The following SORCS2 variants were observed in gnomAD, a reference collection of about 807,000 sequenced individuals.
The protein encoded by SORCS2 is sortilin related VPS10 domain containing receptor 2.
SORCS2 carries 100 observed loss-of-function variants against 141.6 expected under a neutral mutation model. The observed-to-expected ratio is 0.71, with a 90% CI of 0.60 to 0.83. SORCS2 has a LOEUF of 0.83. Among genes scored for constraint, SORCS2 ranks in the 40% least tolerant of loss-of-function variants. The pLI, the probability that SORCS2 is intolerant of heterozygous loss-of-function variation, is 0.00. For synonymous variants in SORCS2, 789 were observed against 676.9 expected (o/e 1.17, Z -2.57); for missense variants, 1,646 against 1,560.2 (o/e 1.05, Z -0.93).
At chr4:7,703,166 C>T (rs1725189867) in intron 12 of SORCS2, 114 bp from the exon 13 acceptor site, 6 of 817,146 alleles carry the variant, frequency 7.3e-6, no homozygotes, top group Non-Finnish European at 1.1e-5. Context: ...GCCTTGGCCT[C>T]TGCCAACAAC....
Position 7,723,717 on chromosome 4 carries a change from G to A in SORCS2, c.2445G>A (p.Lys815=), listed in dbSNP as rs751152196. The change falls in exon 19 of 27, where the codon AAG becomes AAA. Residue 815 remains lysine (K), a synonymous_variant. Transcript: ENST00000507866. ...TGCAGGGTGATGTCCTGACTACCAAGTACCAGGTAGACCTTGGGGACGGCT... is the reference window on the plus strand; with the variant it reads ...TGCAGGGTGATGTCCTGACTACCAAATACCAGGTAGACCTTGGGGACGGCT... The part of the protein sequence containing the change: ...RQEQGDVLTT[K]YQVDLGDGFK... 1.7e-5 allele frequency: 27 copies of A among 1,614,018 alleles called. No homozygotes were observed. In the East Asian group the frequency reaches 5.1e-4, roughly 31 times the overall value.
intron 2 of SORCS2, among the ~76,000 whole-genome samples, chr4:7,427,758 G>A (rs1726551794): frequency 6.6e-6 from 1 of 152,014 alleles, no homozygotes; most frequent in Admixed American, 6.5e-5. Context: ...GATCTCACGT[G>A]AACTGAGGGG....
At chr4:7,537,287 C>A (rs1233175444) in intron 3 of SORCS2, among the ~76,000 whole-genome samples, 1 of 152,200 alleles carries the variant, frequency 6.6e-6, no homozygotes, top group East Asian at 1.9e-4. Context: ...CTCCACTATC[C>A]TAGCTTCTCC....
At chr4:7,266,334 C>G (rs1342347663) in intron 1 of SORCS2, among the ~76,000 whole-genome samples, 2 of 152,182 alleles carry the variant, frequency 1.3e-5, no homozygotes, top group Non-Finnish European at 2.9e-5. Context: ...GCTTCCTACC[C>G]GAGCCCTGGC....
At chr4:7,222,746 C>A (rs997743309) in intron 1 of SORCS2, among the ~76,000 whole-genome samples, 2 of 151,882 alleles carry the variant, frequency 1.3e-5, no homozygotes, top group Non-Finnish European at 2.9e-5. Flanking sequence ...CTGGAAAGGG[C>A]AGGTGTAGGG....
At chr4:7,458,727 G>T (rs2109316601) in intron 2 of SORCS2, among the ~76,000 whole-genome samples, 1 of 152,242 alleles carries the variant, frequency 6.6e-6, no homozygotes, top group South Asian at 2.1e-4. Flanking sequence ...GCCAGGAGGA[G>T]CCCACTGTCC....
chr4:7,210,946 G>A (rs930858255), intron 1 of SORCS2, among the ~76,000 whole-genome samples: 5 of 152,300 alleles, frequency 3.3e-5, no homozygotes, highest in African/African-American at 1.2e-4. Flanking sequence ...GACCCCACAG[G>A]GCTCTTCTGG....
chr4:7,298,673 C>T (rs868535999), intron 1 of SORCS2, among the ~76,000 whole-genome samples: 1 of 152,256 alleles, frequency 6.6e-6, no homozygotes, highest in Non-Finnish European at 1.5e-5. Flanking sequence ...CCGCTGGTGT[C>T]ATGGAGGAGG....
chr4:7,468,789 G>T (rs530901388), intron 2 of SORCS2, among the ~76,000 whole-genome samples: 1 of 151,552 alleles, frequency 6.6e-6, no homozygotes, highest in Non-Finnish European at 1.5e-5. Context: ...GAAAGGTGAG[G>T]ATGCTCTCTG....
intron 10 of SORCS2, among the ~76,000 whole-genome samples, chr4:7,685,438 C>T (rs866731277): frequency 3.3e-5 from 5 of 152,072 alleles, no homozygotes; most frequent in Non-Finnish European, 5.9e-5. Flanking sequence ...TTTGGGAGGC[C>T]GAGGCAGGCA....
intron 2 of SORCS2, among the ~76,000 whole-genome samples, chr4:7,443,217 G>A (rs114942826): frequency 6.6e-6 from 1 of 152,168 alleles, no homozygotes; most frequent in African/African-American, 2.4e-5. Context: ...AGGGGGCACA[G>A]TTCCACCCTC....
chr4:7,359,061 C>T (rs375352019), intron 1 of SORCS2, among the ~76,000 whole-genome samples: 142 of 152,252 alleles, frequency 9.3e-4, no homozygotes, highest in Non-Finnish European at 1.5e-3. Flanking sequence ...TTCGGGAGGC[C>T]GAGGCAGGGG....
At chr4:7,492,279 C>A (rs1303753109) in intron 2 of SORCS2, among the ~76,000 whole-genome samples, 1 of 152,238 alleles carries the variant, frequency 6.6e-6, no homozygotes, top group Non-Finnish European at 1.5e-5. Context: ...CTCTCTGCTT[C>A]TATGGATTCT....
chr4:7,262,335 T>TCCATCC (rs1560148401), intron 1 of SORCS2, among the ~76,000 whole-genome samples: 3 of 144,770 alleles, frequency 2.1e-5, no homozygotes, highest in South Asian at 4.5e-4. Flanking sequence ...TCCATCCATC[T>TCCATCC]ATCCATCCAT....
chr4:7,463,820 C>T (rs988568850), intron 2 of SORCS2, among the ~76,000 whole-genome samples: 4 of 152,142 alleles, frequency 2.6e-5, no homozygotes, highest in Non-Finnish European at 4.4e-5. Flanking sequence ...CATACTGATG[C>T]GTGCCGGACT....
intron 11 of SORCS2, among the ~76,000 whole-genome samples, chr4:7,694,396 A>G (rs1724461617): frequency 6.6e-6 from 1 of 152,114 alleles, no homozygotes. Context: ...ACAGCCTGCA[A>G]CGTGTTCCGT....
In SORCS2 at chr4:7,478,988, C is replaced by T. The variant is rs954859048; in HGVS notation, c.549-52542C>T. ...TGTGTCACCTAATAAAAATGACTTC[C>T]GAGGGTTCCCCACGAGCCTCCAGGG... On this transcript the variant is annotated intron_variant, in intron 2 of 26. Transcript: ENST00000507866. 1.1e-4 allele frequency among the ~76,000 whole-genome samples: 17 copies of T among 152,238 alleles called. No homozygotes were observed. In the East Asian group the frequency reaches 1.4e-3, roughly 12 times the overall value.
chr4:7,609,470 A>T (rs1397092316), intron 3 of SORCS2, among the ~76,000 whole-genome samples: 1 of 152,102 alleles, frequency 6.6e-6, no homozygotes, highest in East Asian at 1.9e-4. Context: ...GTCAACTGCC[A>T]ATTCAGACCC....
At chr4:7,276,191 T>C (rs1715489929) in intron 1 of SORCS2, among the ~76,000 whole-genome samples, 1 of 152,166 alleles carries the variant, frequency 6.6e-6, no homozygotes, top group Non-Finnish European at 1.5e-5. Context: ...TTGGGGGCTG[T>C]TGCACTTTGG....
Sources: allele counts gnomAD v4.1 joint callset (sites outside exome capture counted in the v4.1 genomes callset), GRCh38; gene constraint gnomAD v4.1.1; transcripts MANE v1.5; gene names NCBI Gene and HGNC (gene_info 2026-07-23, HGNC 2026-07-21).